SPATS2L: variants seen among roughly 807,000 people sequenced by gnomAD.
SPATS2L encodes the protein spermatogenesis associated serine rich 2 like.
In SPATS2L, 30 loss-of-function variants were observed where a neutral mutation model predicts 59.6. The ratio of observed to expected loss-of-function variants is 0.50; its 90% confidence interval spans 0.38 to 0.68. The LOEUF is 0.68. Ranked by LOEUF, SPATS2L falls within the 30% of genes least tolerant of loss-of-function variation. SPATS2L has a pLI of 0.00. For synonymous variants in SPATS2L, 252 were observed against 263.5 expected (o/e 0.96, Z 0.42); for missense variants, 615 against 700.0 (o/e 0.88, Z 1.37).
rs2087756539 is a variant in SPATS2L at position 200,480,732 on chromosome 2, CAGT to C, written c.*2703_*2705del. ...CATTTATTAGTTTGCATTTTTGAAA[CAGT>C]AATTTCAATATTTTAGTGCCAATGT... On this transcript the variant is annotated 3_prime_UTR_variant, in exon 13 of 13. Transcript: ENST00000409140. 1 of 152,176 alleles carries C rather than the reference CAGT, an allele frequency of 6.6e-6. No individual in the cohort carries two copies. 9.4% of individuals were successfully genotyped at this position (152,176 alleles called of 1,614,324 possible). A position where few individuals can be genotyped will look rare whatever the true frequency, so the allele number is the denominator to read the frequency against.
Position 200,419,459 on chromosome 2 carries a change from A to G in SPATS2L, c.408A>G (p.Ile136Met), listed in dbSNP as rs1389712033. 2.5e-6 allele frequency: 4 copies of G among 1,613,930 alleles called. No individual in the cohort carries two copies. The highest frequency in any genetic ancestry group is 3.4e-6 in the Non-Finnish European group (4 of 1,179,852). The change falls in exon 6 of 13, where the codon ATA becomes ATG. Residue 136 changes from isoleucine (I) to methionine (M), a missense_variant. Coordinates refer to ENST00000409140, the MANE Select transcript of SPATS2L (RefSeq NM_001100423.2). ...ALIPREKKIS[I>M]LEEPSKALRG... ...TCCCTCGTGAGAAAAAGATCTCGAT[A>G]CTTGAGGAACCTTCAAAGGCACTTC...
chr2:200,350,673 G>A (rs1234913683), intron 2 of SPATS2L, among the ~76,000 whole-genome samples: 1 of 152,052 alleles, frequency 6.6e-6, no homozygotes, highest in East Asian at 1.9e-4. Context: ...ACAGGTGTGT[G>A]CCACCACACC....
chr2:200,387,807 A>C (rs2082038251), intron 2 of SPATS2L, among the ~76,000 whole-genome samples: 1 of 152,234 alleles, frequency 6.6e-6, no homozygotes. Flanking sequence ...CTGGCTGCTA[A>C]TTTCTGAATC....
At chr2:200,307,740 C>T (rs536534356) in intron 1 of SPATS2L, among the ~76,000 whole-genome samples, 1 of 152,364 alleles carries the variant, frequency 6.6e-6, no homozygotes, top group Admixed American at 6.5e-5. Context: ...AGCGTCGCGT[C>T]TTCGCGAGTG....
At chr2:200,436,552 C>G (rs2084307388) in intron 6 of SPATS2L, among the ~76,000 whole-genome samples, 1 of 152,124 alleles carries the variant, frequency 6.6e-6, no homozygotes, top group Admixed American at 6.6e-5. Context: ...TGAAACGAAC[C>G]AGTAGACCAT....
chr2:200,348,010 T>G (rs917263163), intron 2 of SPATS2L, among the ~76,000 whole-genome samples: 1 of 152,180 alleles, frequency 6.6e-6, no homozygotes, highest in Non-Finnish European at 1.5e-5. Flanking sequence ...TGCCAAGAAA[T>G]TTTTTCAAAT....
At chr2:200,389,533 T>A (rs533379195) in intron 3 of SPATS2L, 1 of 379,070 alleles carries the variant, frequency 2.6e-6, no homozygotes, top group Non-Finnish European at 4.8e-6. Context: ...CTGTTGTTAT[T>A]TCCATTTTAC....
chr2:200,314,150 C>G (rs539155265), intron 1 of SPATS2L, among the ~76,000 whole-genome samples: 2 of 152,326 alleles, frequency 1.3e-5, no homozygotes, highest in South Asian at 4.1e-4. Context: ...TTCCAAATGT[C>G]TTTAACTCGA....
At chr2:200,438,082 C>G (rs1035257273) in intron 6 of SPATS2L, among the ~76,000 whole-genome samples, 1 of 152,124 alleles carries the variant, frequency 6.6e-6, no homozygotes, top group South Asian at 2.1e-4. Context: ...AATATAAAAC[C>G]GTGGTACCAT....
chr2:200,320,672 T>C (rs150895126), intron 1 of SPATS2L, among the ~76,000 whole-genome samples: 119 of 152,302 alleles, frequency 7.8e-4, no homozygotes, highest in African/African-American at 2.5e-3. Flanking sequence ...AATGGATGTG[T>C]TTTCACTAAG....
chr2:200,382,195 C>A (rs1480903929), intron 2 of SPATS2L, among the ~76,000 whole-genome samples: 2 of 152,144 alleles, frequency 1.3e-5, no homozygotes, highest in Admixed American at 6.5e-5. Flanking sequence ...CCCCATCCCC[C>A]TCCCCAGTAC....
intron 6 of SPATS2L, among the ~76,000 whole-genome samples, chr2:200,424,208 C>T (rs1324329410): frequency 1.3e-5 from 2 of 152,002 alleles, no homozygotes; most frequent in Non-Finnish European, 2.9e-5. Context: ...TTTTGCCGAG[C>T]GGGCACAGTG....
chr2:200,452,121 G>A lies in SPATS2L; in HGVS notation c.789-7648G>A, dbSNP rs761889957. On this transcript the variant is annotated intron_variant, in intron 8 of 12. Coordinates refer to ENST00000409140, the MANE Select transcript of SPATS2L (RefSeq NM_001100423.2). The stretch of plus-strand genomic sequence containing the variant: ...CAGATGTAACTTTAAAAGGGGAAGC[G>A]GGGGAGTCAGCATTTTTATAGTCAA... 7.9e-5 allele frequency among the ~76,000 whole-genome samples: 12 copies of A among 152,230 alleles called. No individual in the cohort carries two copies. In the East Asian group the frequency reaches 1.7e-3, roughly 22 times the overall value.
At chr2:200,448,397 A>C (rs762206616) in intron 8 of SPATS2L, among the ~76,000 whole-genome samples, 1 of 152,186 alleles carries the variant, frequency 6.6e-6, no homozygotes, top group African/African-American at 2.4e-5. Context: ...AGCTGAGATC[A>C]CACCACCGCA....
intron 2 of SPATS2L, among the ~76,000 whole-genome samples, chr2:200,372,483 G>GGT (rs2081460061): frequency 2.6e-5 from 4 of 152,084 alleles, no homozygotes; most frequent in Admixed American, 1.3e-4. Flanking sequence ...TCCTCACTGG[G>GGT]AAGTGGGGAG....
At chr2:200,392,390 T>C (rs2082198690) in intron 3 of SPATS2L, among the ~76,000 whole-genome samples, 1 of 152,216 alleles carries the variant, frequency 6.6e-6, no homozygotes, top group Admixed American at 6.5e-5. Flanking sequence ...GAGGGCATGT[T>C]AGCTTTGAAC....
chr2:200,379,961 T>C (rs2081745847), intron 2 of SPATS2L, among the ~76,000 whole-genome samples: 1 of 152,096 alleles, frequency 6.6e-6, no homozygotes, highest in Non-Finnish European at 1.5e-5. Flanking sequence ...TGGAAACACA[T>C]GTTTGCTTTA....
chr2:200,360,183 G>A (rs1219893898), intron 2 of SPATS2L, among the ~76,000 whole-genome samples: 1 of 152,160 alleles, frequency 6.6e-6, no homozygotes, highest in Non-Finnish European at 1.5e-5. Context: ...CAATTTCACT[G>A]GGGTTTTAGA....
intron 2 of SPATS2L, among the ~76,000 whole-genome samples, chr2:200,339,160 A>G (rs147951362): frequency 5.4e-4 from 82 of 152,382 alleles, no homozygotes; most frequent in African/African-American, 1.7e-3. Context: ...ATTATTGTAT[A>G]TAGGGCAAAG....
Sources: allele counts gnomAD v4.1 joint callset (sites outside exome capture counted in the v4.1 genomes callset), GRCh38; gene constraint gnomAD v4.1.1; transcripts MANE v1.5; gene names NCBI Gene and HGNC (gene_info 2026-07-23, HGNC 2026-07-21).